BCAR3: variants seen among roughly 807,000 people sequenced by gnomAD.
BCAR3 encodes the protein breast cancer anti-estrogen resistance protein 3.
Under a neutral mutation model 80.1 loss-of-function variants are expected in BCAR3, and 37 were observed. The ratio of observed to expected loss-of-function variants is 0.46; its 90% CI spans 0.36 to 0.61. The LOEUF (loss-of-function observed/expected upper bound fraction) is 0.61, where lower values mean the gene tolerates loss of function less well. Ranked by LOEUF, BCAR3 falls within the 20% of genes least tolerant of loss-of-function variation. BCAR3 has a pLI of 0.00. For synonymous variants in BCAR3, 389 were observed against 418.9 expected, an observed-to-expected ratio of 0.93 and a Z score of 0.87; for missense variants, 978 against 1,068.2, an observed-to-expected ratio of 0.92 and a Z score of 1.18.
At chr1:93,740,218 C>A (rs2100695034) in intron 2 of BCAR3, among the ~76,000 whole-genome samples, 1 of 152,342 alleles carries the variant, frequency 6.6e-6, no homozygotes, top group East Asian at 1.9e-4. Flanking sequence ...ATGCCGACAA[C>A]AATGGCTAGG....
chr1:93,576,473 T>C (rs74101611), intron 7 of BCAR3, among the ~76,000 whole-genome samples: 4,530 of 152,302 alleles, frequency 0.03, 229 homozygotes, highest in African/African-American at 0.1. Flanking sequence ...GACGTTTTGC[T>C]GCCAACAGCA....
Position 93,583,438 on chromosome 1 carries a change from G to A in BCAR3, c.1034-485C>T, listed in dbSNP as rs79286323. On this transcript the variant is annotated intron_variant, in intron 6 of 11. Transcript: ENST00000260502. ...CTACATGGAGGTAGTTTACGCAGGG[G>A]CATTAGGAAAATCCCTTTGTGGTCC... Among the ~76,000 whole-genome samples the A allele has an allele frequency of 9.1e-3, 1,384 of 152,222 alleles. 22 individuals carry two copies. Among genetic ancestry groups the A allele is most frequent in the African/African-American group, 0.032 (1,327 of 41,520 alleles).
intron 3 of BCAR3, among the ~76,000 whole-genome samples, chr1:93,630,233 C>T (rs185195674): frequency 3.3e-5 from 5 of 152,224 alleles, no homozygotes; most frequent in East Asian, 1.9e-4. Context: ...TTAAAATAAA[C>T]GCCCTTGTGC....
chr1:93,572,862 G>A (rs796227778), intron 8 of BCAR3, among the ~76,000 whole-genome samples: 7 of 152,276 alleles, frequency 4.6e-5, no homozygotes, highest in African/African-American at 1.4e-4. Flanking sequence ...TGTGTTGGTC[G>A]GTCTCTTGCT....
intron 5 of BCAR3, chr1:93,585,140 G>C: frequency 4.1e-6 from 4 of 980,274 alleles, no homozygotes; most frequent in Non-Finnish European, 4.8e-6. Context: ...GACTCCAGGG[G>C]CCAGAACGGC....
chr1:93,745,450 T>C (rs1213476936), intron 2 of BCAR3, among the ~76,000 whole-genome samples: 2 of 152,250 alleles, frequency 1.3e-5, no homozygotes, highest in African/African-American at 2.4e-5. Flanking sequence ...TGTTAGCTTC[T>C]TGAGCTGAAA....
chr1:93,801,071 G>T (rs971194146), intron 2 of BCAR3, among the ~76,000 whole-genome samples: 1 of 152,170 alleles, frequency 6.6e-6, no homozygotes, highest in African/African-American at 2.4e-5. Context: ...AAGCCCTCTT[G>T]ATTCCCTCGG....
At chr1:93,790,668 T>G (rs916270463) in intron 2 of BCAR3, among the ~76,000 whole-genome samples, 5 of 133,670 alleles carry the variant, frequency 3.7e-5, no homozygotes, top group African/African-American at 1.3e-4. Flanking sequence ...TTTTTTTAAT[T>G]ATACTTTAAG....
chr1:93,669,589 T>A (rs1450355221), intron 2 of BCAR3, among the ~76,000 whole-genome samples: 2 of 152,200 alleles, frequency 1.3e-5, no homozygotes, highest in African/African-American at 4.8e-5. Flanking sequence ...AATTAGGCAC[T>A]CACAGCTGTT....
rs1241927395 is a variant in BCAR3, at chr1:93,777,190, C to T, written c.-63+68377G>A. Among the ~76,000 whole-genome samples the T allele has an allele frequency of 2.0e-5, 3 of 152,162 alleles. No individual in the cohort carries two copies. In the East Asian group the frequency reaches 5.8e-4, roughly 29 times the overall value. On this transcript the variant is annotated intron_variant, in intron 2 of 13. Coordinates refer to the BCAR3 transcript ENST00000370244. Reference sequence around the variant, plus strand: ...CACAGCCCTGTCAGTATTTTGATTTCTGATTTCAGCCTCCAGAGCTGCGAG... The same window carrying T: ...CACAGCCCTGTCAGTATTTTGATTTTTGATTTCAGCCTCCAGAGCTGCGAG...
At chr1:93,727,792 C>T (rs1371502258) in intron 2 of BCAR3, among the ~76,000 whole-genome samples, 8 of 152,162 alleles carry the variant, frequency 5.3e-5, no homozygotes, top group Non-Finnish European at 1.2e-4. Context: ...TAGTGGCCCC[C>T]CCAAAAGACA....
intron 2 of BCAR3, among the ~76,000 whole-genome samples, chr1:93,772,182 C>G (rs147651513): frequency 6.6e-6 from 1 of 152,190 alleles, no homozygotes; most frequent in Non-Finnish European, 1.5e-5. Flanking sequence ...AGATTCTATG[C>G]TGAGGGCAAT....
In BCAR3 at chr1:93,718,870, A is replaced by AT. The variant is rs879576578; in HGVS notation, c.-62-12729dup. ...ACCACCACACTCAGCTAATTTTTGT[A>AT]TTTTTTTTTTTTTTAGAGACAGGGT... On this transcript the variant is annotated intron_variant, in intron 2 of 13. Transcript: ENST00000370244. Among the ~76,000 whole-genome samples the AT allele has an allele frequency of 7.6e-3, 990 of 129,972 alleles. 9 individuals are homozygous for AT. The highest frequency in any genetic ancestry group is 0.028 in the South Asian group (113 of 4,008). The allele number at this position is 129,972 out of a possible 152,430, so 85.3% of individuals were successfully genotyped here.
At position 93,568,335 on chromosome 1, in the gene BCAR3, C is replaced by T. The variant is rs1218732493; in HGVS notation, c.1975-484G>A. On this transcript the variant is annotated intron_variant, in intron 9 of 11. Transcript: ENST00000260502. ...TCCGCCCCATCTGCATTGCTGTTAG[C>T]GCATCCCAGAGATGGCAACTCTCTT... Among the ~76,000 whole-genome samples, 10 of 152,236 alleles carry T rather than the reference C, an allele frequency of 6.6e-5. No homozygotes were observed. In the South Asian group the frequency reaches 1.5e-3, roughly 22 times the overall value.
At chr1:93,650,834 T>C (rs1020584467) in intron 2 of BCAR3, among the ~76,000 whole-genome samples, 20 of 152,036 alleles carry the variant, frequency 1.3e-4, no homozygotes, top group African/African-American at 4.6e-4. Context: ...CTTGTGCAAG[T>C]AGAAGATGGG....
In BCAR3 at chr1:93,642,355, A is replaced by C. The variant is rs761557598; in HGVS notation, c.318-12T>G. On this transcript the variant is annotated splice_polypyrimidine_tract_variant and intron_variant, in intron 2 of 11. Transcript: ENST00000260502. The stretch of plus-strand genomic sequence containing the variant: ...GAAGATGTGGATCCCTGAAAAGAGA[A>C]AATATAAATATGAGAATGGTTGGGA... The C allele has an allele frequency of 3.4e-5, 54 of 1,609,090 alleles. No individual in the cohort carries two copies. The highest frequency in any genetic ancestry group is 5.0e-5 in the Admixed American group (3 of 60,000).
chr1:93,574,866 G>A (rs66966060), intron 8 of BCAR3, among the ~76,000 whole-genome samples: 24,939 of 152,084 alleles, frequency 0.16, 2,245 homozygotes, highest in Non-Finnish European at 0.2. Flanking sequence ...GGGTATTCCC[G>A]AACAAAATCC....
At chr1:93,765,262 A>C (rs1652106289) in intron 2 of BCAR3, among the ~76,000 whole-genome samples, 1 of 152,200 alleles carries the variant, frequency 6.6e-6, no homozygotes, top group Non-Finnish European at 1.5e-5. Context: ...TTTCTTAATA[A>C]ATATTTAATG....
intron 7 of BCAR3, 43 bp from the exon 8 acceptor site, chr1:93,576,172 GC>G: frequency 6.8e-7 from 1 of 1,478,566 alleles, no homozygotes; most frequent in Non-Finnish European, 9.5e-7. Context: ...CAGGAAGTGG[GC>G]TTGCCTGATC....
Sources: gnomAD v4.1 joint callset for allele counts (sites outside exome capture counted in the v4.1 genomes callset) on GRCh38, gnomAD v4.1.1 for gene constraint, MANE v1.5 for transcripts, NCBI Gene and HGNC (gene_info 2026-07-23, HGNC 2026-07-21) for gene names.